MAP3K5: variants seen among roughly 807,000 people sequenced by gnomAD.
MAP3K5 encodes mitogen-activated protein kinase kinase kinase 5.
Under a neutral mutation model 158.7 loss-of-function variants are expected in MAP3K5, and 56 were observed. That is an observed-to-expected ratio of 0.35 (90% confidence interval 0.28 to 0.44). The LOEUF is 0.44. MAP3K5 is among the 20% of genes least tolerant of loss of function. MAP3K5 has a pLI of 1.00. For synonymous variants in MAP3K5, 579 were observed against 601.7 expected, an observed-to-expected ratio of 0.96 and a Z score of 0.55; for missense variants, 1,294 against 1,674.8, an observed-to-expected ratio of 0.77 and a Z score of 3.97.
chr6:136,769,693 C>T (rs1298447011), intron 1 of MAP3K5, among the ~76,000 whole-genome samples: 1 of 145,558 alleles, frequency 6.9e-6, no homozygotes, highest in Non-Finnish European at 1.5e-5. Flanking sequence ...CTGGCACTGG[C>T]ACACAAGGCT....
At chr6:136,684,673 C>A (rs889531853) in intron 7 of MAP3K5, among the ~76,000 whole-genome samples, 1 of 152,160 alleles carries the variant, frequency 6.6e-6, no homozygotes, top group Admixed American at 6.5e-5. Flanking sequence ...CAGCTTCTCA[C>A]CCTCTCTGCT....
intron 7 of MAP3K5, among the ~76,000 whole-genome samples, chr6:136,679,225 CTT>C (rs934962857): frequency 6.6e-6 from 1 of 152,120 alleles, no homozygotes. Flanking sequence ...CAAAAAAAGA[CTT>C]TTCACTTTTT....
At chr6:136,726,208 T>C (rs1484247154) in intron 1 of MAP3K5, among the ~76,000 whole-genome samples, 2 of 152,232 alleles carry the variant, frequency 1.3e-5, no homozygotes, top group Non-Finnish European at 2.9e-5. Context: ...TATCTATCAA[T>C]TGATAGCTAC....
At chr6:136,705,385 C>G (rs1170331907) in intron 2 of MAP3K5, among the ~76,000 whole-genome samples, 2 of 152,174 alleles carry the variant, frequency 1.3e-5, no homozygotes, top group Non-Finnish European at 2.9e-5. Context: ...GCCACAAGCT[C>G]CTGGGCTCAA....
chr6:136,780,978 C>T (rs955298464), intron 1 of MAP3K5, among the ~76,000 whole-genome samples: 10 of 151,984 alleles, frequency 6.6e-5, no homozygotes, highest in East Asian at 5.8e-4. Context: ...CTTAGTTCTT[C>T]GATACATCCT....
chr6:136,689,831 T>C (rs1428608189), intron 7 of MAP3K5, among the ~76,000 whole-genome samples: 1 of 152,152 alleles, frequency 6.6e-6, no homozygotes, highest in Non-Finnish European at 1.5e-5. Context: ...TATTCTGTTT[T>C]GGCAGCACAT....
At chr6:136,761,288 T>TAA (rs368661488) in intron 1 of MAP3K5, among the ~76,000 whole-genome samples, 49,253 of 118,060 alleles carry the variant, frequency 0.42, 10,628 homozygotes, top group Non-Finnish European at 0.5. Context: ...ACCCTAACTT[T>TAA]AAAAAAAAAA....
At chr6:136,651,574 T>C (rs1445521019) in intron 10 of MAP3K5, among the ~76,000 whole-genome samples, 1 of 152,156 alleles carries the variant, frequency 6.6e-6, no homozygotes, top group Non-Finnish European at 1.5e-5. Flanking sequence ...TAAATAAACT[T>C]AGAAATGGTT....
At chr6:136,656,596 ATTTG>A (rs1778759419) in intron 9 of MAP3K5, 136 bp from the exon 10 acceptor site, 1 of 582,414 alleles carries the variant, frequency 1.7e-6, no homozygotes, top group Non-Finnish European at 3.0e-6. Flanking sequence ...GTTATTCGTT[ATTTG>A]TTGCATATCG....
intron 1 of MAP3K5, among the ~76,000 whole-genome samples, chr6:136,755,575 G>T (rs7766400): frequency 1.2e-3 from 181 of 151,858 alleles, no homozygotes; most frequent in African/African-American, 4.2e-3. Context: ...TAATTAGCTG[G>T]GCATGGTGGC....
chr6:136,747,775 T>C (rs1783024530), intron 1 of MAP3K5, among the ~76,000 whole-genome samples: 1 of 152,210 alleles, frequency 6.6e-6, no homozygotes, highest in Non-Finnish European at 1.5e-5. Flanking sequence ...AAGCACCCAG[T>C]TGATGCCCAT....
chr6:136,612,686 T>C (rs1776395488), intron 17 of MAP3K5, among the ~76,000 whole-genome samples: 2 of 152,218 alleles, frequency 1.3e-5, no homozygotes, highest in African/African-American at 2.4e-5. Context: ...GAATATGTGA[T>C]ACTTGTGAGA....
chr6:136,708,521 G>A (rs1280991994), intron 2 of MAP3K5, among the ~76,000 whole-genome samples: 5 of 152,092 alleles, frequency 3.3e-5, no homozygotes, highest in Admixed American at 1.3e-4. Context: ...CTCCCAAAGC[G>A]CTAGGATTAC....
At chr6:136,651,961 A>T (rs565287120) in intron 10 of MAP3K5, among the ~76,000 whole-genome samples, 1 of 152,246 alleles carries the variant, frequency 6.6e-6, no homozygotes, top group East Asian at 1.9e-4. Context: ...CTTCACTAGG[A>T]ATGTTTAAAA....
intron 13 of MAP3K5, among the ~76,000 whole-genome samples, chr6:136,637,962 A>G (rs537491088): frequency 5.3e-5 from 8 of 152,306 alleles, no homozygotes; most frequent in Admixed American, 2.6e-4. Context: ...CTGAGTGTCT[A>G]CTAGGATAAA....
At chr6:136,788,501 G>A (rs1355872037) in intron 1 of MAP3K5, among the ~76,000 whole-genome samples, 2 of 152,060 alleles carry the variant, frequency 1.3e-5, no homozygotes, top group East Asian at 3.9e-4. Flanking sequence ...CCTCAGAATG[G>A]GAGAAAATAT....
chr6:136,770,598 G>A (rs1055140920), intron 1 of MAP3K5, among the ~76,000 whole-genome samples: 1 of 152,064 alleles, frequency 6.6e-6, no homozygotes, highest in Admixed American at 6.6e-5. Flanking sequence ...AAACTTTATA[G>A]AATAAAATAT....
At position 136,782,714 on chromosome 6, in the gene MAP3K5, T is replaced by C. The variant is rs566799125; in HGVS notation, c.448+8996A>G. ...TAAGTTATACAGATCTGCTCTACTA[T>C]GATTTTATTAAATAGGAAATGCCCT... On this transcript the variant is annotated intron_variant, in intron 1 of 29. Transcript: ENST00000359015. Among the ~76,000 whole-genome samples, 115 of 152,386 alleles carry C rather than the reference T, an allele frequency of 7.5e-4. 2 individuals are homozygous for C. The highest frequency in any genetic ancestry group is 2.4e-3 in the African/African-American group (100 of 41,602).
At chr6:136,738,963 CACA>C (rs1179213711) in intron 1 of MAP3K5, among the ~76,000 whole-genome samples, 7 of 152,180 alleles carry the variant, frequency 4.6e-5, no homozygotes, top group Non-Finnish European at 7.4e-5. Flanking sequence ...CACACACACA[CACA>C]CCCATGCACA....
Sources: allele counts gnomAD v4.1 joint callset (sites outside exome capture counted in the v4.1 genomes callset), GRCh38; gene constraint gnomAD v4.1.1; transcripts MANE v1.5; gene names NCBI Gene and HGNC (gene_info 2026-07-23, HGNC 2026-07-21).